The following KHDRBS2 variants were observed in gnomAD, a reference collection of about 807,000 sequenced individuals.
KHDRBS2 encodes KH RNA binding domain containing, signal transduction associated 2, also known as KH domain-containing, RNA-binding, signal transduction-associated protein 2.
In KHDRBS2, 26 loss-of-function variants were observed where a neutral mutation model predicts 44.3. That is an observed-to-expected ratio of 0.59 (90% CI 0.43 to 0.81). The LOEUF is 0.81. Among genes scored for constraint, KHDRBS2 ranks in the 40% least tolerant of loss-of-function variants. KHDRBS2 has a pLI of 0.00. For missense variants in KHDRBS2, 476 were observed against 433.1 expected (o/e 1.10, Z -0.88); for synonymous variants, 194 against 151.1 (o/e 1.28, Z -2.08).
At chr6:61,694,677 G>T (rs1439983631) in intron 8 of KHDRBS2, among the ~76,000 whole-genome samples, 1 of 152,150 alleles carries the variant, frequency 6.6e-6, no homozygotes, top group Non-Finnish European at 1.5e-5. Context: ...GCTGGCCCCT[G>T]GTGTGGCTTT....
chr6:62,178,767 T>C (rs1417759394), intron 1 of KHDRBS2, among the ~76,000 whole-genome samples: 2 of 151,578 alleles, frequency 1.3e-5, no homozygotes, highest in Non-Finnish European at 3.0e-5. Context: ...TAAATATTTC[T>C]TTTTGTTCTT....
intron 1 of KHDRBS2, among the ~76,000 whole-genome samples, chr6:62,227,509 A>C (rs1417042675): frequency 3.3e-5 from 5 of 152,036 alleles, no homozygotes; most frequent in Non-Finnish European, 7.4e-5. Context: ...TTTGAATGCC[A>C]ATTATTTCTT....
chr6:62,158,037 T>C (rs1229079177), intron 2 of KHDRBS2, among the ~76,000 whole-genome samples: 1 of 152,174 alleles, frequency 6.6e-6, no homozygotes, highest in African/African-American at 2.4e-5. Context: ...GATTGATACA[T>C]AGTAAGCAGT....
At chr6:61,999,809 G>T (rs1777884625) in intron 3 of KHDRBS2, among the ~76,000 whole-genome samples, 1 of 151,836 alleles carries the variant, frequency 6.6e-6, no homozygotes, top group South Asian at 2.1e-4. Flanking sequence ...TAATGAGTTT[G>T]AGTTTTTATT....
At chr6:61,700,742 AGTTG>A (rs1217099873) in intron 7 of KHDRBS2, among the ~76,000 whole-genome samples, 4 of 63,004 alleles carry the variant, frequency 6.3e-5, no homozygotes, top group African/African-American at 1.6e-4. Flanking sequence ...TTACCTTCTC[AGTTG>A]GTAGAAGGCA....
intron 2 of KHDRBS2, among the ~76,000 whole-genome samples, chr6:62,171,475 A>G (rs1283912142): frequency 6.6e-6 from 1 of 151,992 alleles, no homozygotes; most frequent in Non-Finnish European, 1.5e-5. Context: ...CATCCCTGAA[A>G]GAGAGAGAGA....
At chr6:62,120,190 G>A (rs989614221) in intron 2 of KHDRBS2, among the ~76,000 whole-genome samples, 1 of 152,100 alleles carries the variant, frequency 6.6e-6, no homozygotes. Flanking sequence ...GGAATAAAAA[G>A]GTGGCCCACT....
chr6:62,161,577 G>T lies in KHDRBS2; in HGVS notation c.219+15608C>A, dbSNP rs897095844. On this transcript the variant is annotated intron_variant, in intron 2 of 8. Transcript: ENST00000281156. ...ATCCGAGAATTTTGGTATTTGCGGG[G>T]GGGGGGGGGGTCCCAGAACAAATCC... Among the ~76,000 whole-genome samples the T allele has an allele frequency of 1.9e-3, 246 of 131,972 alleles. 26 individuals carry two copies. Among genetic ancestry groups the T allele is most frequent in the African/African-American group, 6.7e-3 (233 of 34,768 alleles). The allele number at this position is 131,972 out of a possible 152,430, so 86.6% of individuals were successfully genotyped here. A position where few individuals can be genotyped will look rare whatever the true frequency, so the allele number is the denominator to read the frequency against.
chr6:61,636,295 T>G, the KHDRBS2 span, among the ~76,000 whole-genome samples: 1 of 152,106 alleles, frequency 6.6e-6, no homozygotes, highest in Admixed American at 6.6e-5. Flanking sequence ...TATCAGGTTT[T>G]ATTTACTAAT....
At chr6:62,268,588 T>C (rs1306025961) in intron 1 of KHDRBS2, among the ~76,000 whole-genome samples, 1 of 152,038 alleles carries the variant, frequency 6.6e-6, no homozygotes, top group Non-Finnish European at 1.5e-5. Flanking sequence ...TTGTATAAAA[T>C]ATATTGTTTT....
the KHDRBS2 span, among the ~76,000 whole-genome samples, chr6:61,559,899 A>G: frequency 6.6e-6 from 1 of 152,184 alleles, no homozygotes; most frequent in Non-Finnish European, 1.5e-5. Context: ...TTTACAGTTA[A>G]CAGTGAATTT....
At chr6:61,545,257 G>A in the KHDRBS2 span, among the ~76,000 whole-genome samples, 2 of 151,888 alleles carry the variant, frequency 1.3e-5, no homozygotes, top group Non-Finnish European at 2.9e-5. Flanking sequence ...ACCAGCCTGG[G>A]TAACAAAGTG....
chr6:61,966,188 A>C (rs1396119801), intron 4 of KHDRBS2, among the ~76,000 whole-genome samples: 6 of 152,058 alleles, frequency 3.9e-5, no homozygotes, highest in Admixed American at 1.3e-4. Context: ...AATGAATTAC[A>C]GTTTGGTAGT....
intron 4 of KHDRBS2, among the ~76,000 whole-genome samples, chr6:61,955,975 AG>A (rs1405114988): frequency 6.6e-6 from 1 of 152,082 alleles, no homozygotes; most frequent in African/African-American, 2.4e-5. Flanking sequence ...GTCTAGCTAT[AG>A]ATCTCATACG....
intron 4 of KHDRBS2, among the ~76,000 whole-genome samples, chr6:61,917,260 G>A (rs1279255109): frequency 1.3e-5 from 2 of 151,624 alleles, no homozygotes; most frequent in Admixed American, 6.6e-5. Flanking sequence ...TGTTAATTCA[G>A]CAATAAAAAT....
chr6:62,198,101 A>G (rs1352508753), intron 1 of KHDRBS2, among the ~76,000 whole-genome samples: 1 of 152,192 alleles, frequency 6.6e-6, no homozygotes, highest in Non-Finnish European at 1.5e-5. Flanking sequence ...TGCAGAGGGA[A>G]ATTTACAGCA....
At chr6:61,945,247 A>G (rs1196094490) in intron 4 of KHDRBS2, among the ~76,000 whole-genome samples, 1 of 148,920 alleles carries the variant, frequency 6.7e-6, no homozygotes, top group Admixed American at 6.8e-5. Context: ...CAATAATTTA[A>G]AACCGTATTT....
chr6:61,804,914 C>T (rs898233150), intron 6 of KHDRBS2, among the ~76,000 whole-genome samples: 4 of 152,170 alleles, frequency 2.6e-5, no homozygotes, highest in East Asian at 1.9e-4. Flanking sequence ...GACATTTTCC[C>T]TATTGTCTTG....
intron 1 of KHDRBS2, among the ~76,000 whole-genome samples, chr6:62,217,393 A>C (rs1400012829): frequency 6.6e-6 from 1 of 151,890 alleles, no homozygotes; most frequent in Non-Finnish European, 1.5e-5. Context: ...AAGATTTCTG[A>C]CTTAGAAGTA....
Sources: gnomAD v4.1 joint callset for allele counts (sites outside exome capture counted in the v4.1 genomes callset) on GRCh38, gnomAD v4.1.1 for gene constraint, MANE v1.5 for transcripts, NCBI Gene and HGNC (gene_info 2026-07-23, HGNC 2026-07-21) for gene names.